The following PRTFDC1 variants were observed in gnomAD, a reference collection of about 807,000 sequenced individuals.
PRTFDC1 encodes phosphoribosyltransferase domain-containing protein 1.
In PRTFDC1, 38 loss-of-function variants were observed where a neutral mutation model predicts 34.6. That is an observed-to-expected ratio of 1.10 (90% confidence interval 0.85 to 1.44). The LOEUF is 1.44. Among genes scored for constraint, PRTFDC1 ranks in the 40% most tolerant of loss-of-function variants. PRTFDC1 has a pLI of 0.00. For synonymous variants in PRTFDC1, 93 were observed against 98.1 expected (o/e 0.95, Z 0.31); for missense variants, 270 against 283.0 (o/e 0.95, Z 0.33).
chr10:24,888,005 C>T (rs1013386330), intron 3 of PRTFDC1, among the ~76,000 whole-genome samples: 11 of 152,196 alleles, frequency 7.2e-5, no homozygotes, highest in African/African-American at 2.7e-4. Flanking sequence ...AAGCAATCCT[C>T]CTGCTTCAGC....
intron 3 of PRTFDC1, among the ~76,000 whole-genome samples, chr10:24,876,733 G>A (rs998603768): frequency 2.6e-5 from 4 of 151,846 alleles, no homozygotes; most frequent in Admixed American, 2.6e-4. Context: ...CTTTTTTATA[G>A]AGATGAAGTC....
intron 3 of PRTFDC1, among the ~76,000 whole-genome samples, chr10:24,909,454 C>A (rs76042234): frequency 0.012 from 1,812 of 152,216 alleles, 44 homozygotes; most frequent in African/African-American, 0.042. Flanking sequence ...GGCTATGGAT[C>A]CTTTTAAGGA....
At chr10:24,913,763 T>C (rs922898607) in intron 3 of PRTFDC1, among the ~76,000 whole-genome samples, 3 of 152,188 alleles carry the variant, frequency 2.0e-5, no homozygotes, top group African/African-American at 7.2e-5. Context: ...TTACCTCTAA[T>C]GGGGACTAGA....
intron 3 of PRTFDC1, among the ~76,000 whole-genome samples, chr10:24,888,600 A>G (rs1361351537): frequency 6.6e-6 from 1 of 152,166 alleles, no homozygotes; most frequent in African/African-American, 2.4e-5. Flanking sequence ...CTGCCTTTTA[A>G]TTCTATGAGT....
At chr10:24,940,603 T>C (rs1489915267) in intron 2 of PRTFDC1, among the ~76,000 whole-genome samples, 1 of 152,234 alleles carries the variant, frequency 6.6e-6, no homozygotes, top group Non-Finnish European at 1.5e-5. Context: ...ATGCTGCTGG[T>C]GGCAATGTAA....
chr10:24,878,395 T>C (rs1485389592), intron 3 of PRTFDC1, among the ~76,000 whole-genome samples: 4 of 152,172 alleles, frequency 2.6e-5, no homozygotes, highest in African/African-American at 9.7e-5. Flanking sequence ...CCAGTATTCC[T>C]GGAGGGAAGA....
intron 4 of PRTFDC1, among the ~76,000 whole-genome samples, chr10:24,862,144 T>C (rs2132498494): frequency 6.6e-6 from 1 of 152,268 alleles, no homozygotes; most frequent in South Asian, 2.1e-4. Flanking sequence ...TTAAAATAGA[T>C]TAAAGGTATC....
chr10:24,932,464 C>G (rs1415956693), intron 3 of PRTFDC1, among the ~76,000 whole-genome samples: 2 of 151,942 alleles, frequency 1.3e-5, no homozygotes, highest in South Asian at 2.1e-4. Context: ...TCATAGGATT[C>G]AATATACAAA....
chr10:24,851,573 G>T, intron 7 of PRTFDC1, 109 bp from the exon 8 acceptor site: 2 of 1,479,398 alleles, frequency 1.4e-6, no homozygotes, highest in South Asian at 2.7e-5. Context: ...CTTTCATTGA[G>T]GCAGGAGGGA....
At chr10:24,872,999 T>C (rs764514604) in intron 3 of PRTFDC1, among the ~76,000 whole-genome samples, 79 of 151,708 alleles carry the variant, frequency 5.2e-4, no homozygotes, top group Non-Finnish European at 9.0e-4. Flanking sequence ...AATTTATTTT[T>C]ATTTTTAGTA....
At chr10:24,880,815 CTT>C (rs1565264418) in intron 3 of PRTFDC1, among the ~76,000 whole-genome samples, 28 of 54,604 alleles carry the variant, frequency 5.1e-4, no homozygotes, top group African/African-American at 2.2e-3. Flanking sequence ...CTGTCTTTCT[CTT>C]TCTTTCTTTC....
At chr10:24,951,906 T>C (rs1379866115) in intron 1 of PRTFDC1, among the ~76,000 whole-genome samples, 6 of 152,074 alleles carry the variant, frequency 3.9e-5, no homozygotes, top group African/African-American at 1.4e-4. Context: ...CCCAATTGGC[T>C]CCAGAGCCCA....
At chr10:24,922,389 G>A (rs960533036) in intron 3 of PRTFDC1, among the ~76,000 whole-genome samples, 6 of 152,282 alleles carry the variant, frequency 3.9e-5, no homozygotes, top group Admixed American at 6.5e-5. Context: ...GGCTCTGTGC[G>A]CTTACACAAG....
In PRTFDC1 at chr10:24,930,099, G is replaced by A. The variant is rs114421804; in HGVS notation, c.339+7085C>T. On this transcript the variant is annotated intron_variant, in intron 3 of 8. Coordinates refer to ENST00000320152, the MANE Select transcript of PRTFDC1 (RefSeq NM_020200.7). ...CAAACACACACACACACACACAATC[G>A]GGTAGCTCAAGGGACTGCTGAATTA... Among the ~76,000 whole-genome samples, 287 of 152,016 alleles carry A rather than the reference G, an allele frequency of 1.9e-3. 2 individuals carry two copies. Among genetic ancestry groups the A allele is most frequent in the African/African-American group, 6.8e-3 (280 of 41,418 alleles).
chr10:24,908,014 A>G (rs1161522074), intron 3 of PRTFDC1, among the ~76,000 whole-genome samples: 1 of 152,222 alleles, frequency 6.6e-6, no homozygotes, highest in East Asian at 1.9e-4. Flanking sequence ...TTTTCTAGCA[A>G]CCAAGTGTTT....
chr10:24,880,143 A>G (rs1848041064), intron 3 of PRTFDC1, among the ~76,000 whole-genome samples: 1 of 152,242 alleles, frequency 6.6e-6, no homozygotes, highest in African/African-American at 2.4e-5. Flanking sequence ...GGACTAAATG[A>G]ATTAGTACGC....
At chr10:24,853,785 T>C (rs1242863810) in intron 7 of PRTFDC1, among the ~76,000 whole-genome samples, 2 of 152,118 alleles carry the variant, frequency 1.3e-5, no homozygotes, top group African/African-American at 4.8e-5. Flanking sequence ...AAAAGGATGA[T>C]GGATCAGCAG....
chr10:24,880,836 TTTC>T (rs776770626), intron 3 of PRTFDC1, among the ~76,000 whole-genome samples: 27 of 138,146 alleles, frequency 2.0e-4, no homozygotes, highest in Middle Eastern at 7.5e-3. Flanking sequence ...TCTTTCTTTC[TTTC>T]TTTCTTTCTT....
chr10:24,924,982 G>C (rs961588231), intron 3 of PRTFDC1, among the ~76,000 whole-genome samples: 1 of 152,130 alleles, frequency 6.6e-6, no homozygotes, highest in African/African-American at 2.4e-5. Flanking sequence ...TATACCCAAA[G>C]GATTATAAAT....
Sources: gnomAD v4.1 joint callset for allele counts (sites outside exome capture counted in the v4.1 genomes callset) on GRCh38, gnomAD v4.1.1 for gene constraint, MANE v1.5 for transcripts, NCBI Gene and HGNC (gene_info 2026-07-23, HGNC 2026-07-21) for gene names.